Variants in QTMAN observed in about 807,000 individuals in gnomAD.
QTMAN encodes the protein tRNA-queuosine alpha-mannosyltransferase.
the QTMAN span, chr2:143,938,338 C>A: frequency 1.3e-5 from 2 of 152,222 alleles, no homozygotes; most frequent in African/African-American, 4.8e-5. Flanking sequence ...GTCCCGAATT[C>A]TCCACAGAAG....
At chr2:143,983,361 A>C in the QTMAN span, among the ~76,000 whole-genome samples, 1 of 152,166 alleles carries the variant, frequency 6.6e-6, no homozygotes, top group South Asian at 2.1e-4. Flanking sequence ...TTGGAAATTT[A>C]AGAATCTTCT....
chr2:144,182,840 T>TA, the QTMAN span, among the ~76,000 whole-genome samples: 2 of 64,524 alleles, frequency 3.1e-5, no homozygotes, highest in Admixed American at 2.6e-4. Flanking sequence ...TATATATATA[T>TA]TATATATATA....
At chr2:144,324,693 T>C in the QTMAN span, among the ~76,000 whole-genome samples, 10 of 152,080 alleles carry the variant, frequency 6.6e-5, no homozygotes, top group African/African-American at 2.4e-4. Context: ...AATCAAGATA[T>C]GAATCACCTT....
chr2:144,249,797 C>A, the QTMAN span, among the ~76,000 whole-genome samples: 9 of 152,038 alleles, frequency 5.9e-5, no homozygotes, highest in African/African-American at 2.2e-4. Context: ...AGGGATAATA[C>A]CAACTGAACT....
chr2:143,962,333 C>G, the QTMAN span, among the ~76,000 whole-genome samples: 3 of 151,850 alleles, frequency 2.0e-5, no homozygotes, highest in African/African-American at 7.3e-5. Context: ...ATTTAAGCAA[C>G]AAATAACACA....
chr2:144,143,063 G>A, the QTMAN span, among the ~76,000 whole-genome samples: 1 of 151,948 alleles, frequency 6.6e-6, no homozygotes, highest in Admixed American at 6.6e-5. Context: ...ATACTCTACA[G>A]TGGCCTGTGC....
the QTMAN span, among the ~76,000 whole-genome samples, chr2:144,039,449 G>A: frequency 5.9e-5 from 9 of 152,020 alleles, no homozygotes; most frequent in South Asian, 8.3e-4. Context: ...GTTTCTAGGC[G>A]GGGGAGTTTT....
chr2:144,227,367 G>A, the QTMAN span, among the ~76,000 whole-genome samples: 1 of 151,982 alleles, frequency 6.6e-6, no homozygotes, highest in Admixed American at 6.6e-5. Context: ...ACCATTTTGA[G>A]GACTTACCTT....
At chr2:144,053,604 G>A in the QTMAN span, among the ~76,000 whole-genome samples, 8 of 152,294 alleles carry the variant, frequency 5.3e-5, no homozygotes, top group African/African-American at 1.9e-4. Context: ...ATAACATCCT[G>A]ATATTGTTTC....
chr2:144,294,364 C>T, the QTMAN span: 1 of 152,180 alleles, frequency 6.6e-6, no homozygotes. Flanking sequence ...GCCTTTCCTA[C>T]CTGACCAGAG....
At chr2:144,307,768 A>G in the QTMAN span, among the ~76,000 whole-genome samples, 2 of 152,228 alleles carry the variant, frequency 1.3e-5, no homozygotes, top group Non-Finnish European at 2.9e-5. Flanking sequence ...ACCTAGGACA[A>G]ATTTAATAAA....
chr2:144,004,722 C>T, the QTMAN span, among the ~76,000 whole-genome samples: 1 of 151,962 alleles, frequency 6.6e-6, no homozygotes, highest in African/African-American at 2.4e-5. Flanking sequence ...ATAAAATTAT[C>T]CCAGCAGAGT....
chr2:144,077,204 T>C, the QTMAN span, among the ~76,000 whole-genome samples: 1 of 152,260 alleles, frequency 6.6e-6, no homozygotes, highest in African/African-American at 2.4e-5. Context: ...GCTTTTGTGA[T>C]ACACAATGAC....
chr2:144,039,379 A>G, the QTMAN span, among the ~76,000 whole-genome samples: 1 of 151,986 alleles, frequency 6.6e-6, no homozygotes, highest in African/African-American at 2.4e-5. Context: ...AACTTAACTC[A>G]CAGATATGAC....
At chr2:143,962,530 A>G in the QTMAN span, among the ~76,000 whole-genome samples, 2 of 152,142 alleles carry the variant, frequency 1.3e-5, no homozygotes, top group Non-Finnish European at 2.9e-5. Context: ...ATCTTCTTGG[A>G]TGTTCTAGGT....
the QTMAN span, among the ~76,000 whole-genome samples, chr2:144,300,694 A>G: frequency 6.6e-6 from 1 of 152,216 alleles, no homozygotes; most frequent in Non-Finnish European, 1.5e-5. Context: ...TTTTTCAAAG[A>G]TATGTGCCAA....
the QTMAN span, among the ~76,000 whole-genome samples, chr2:144,327,656 A>C: frequency 1.4e-4 from 21 of 152,306 alleles, no homozygotes; most frequent in African/African-American, 4.8e-4. Flanking sequence ...CCTAGATCTC[A>C]GTATCTAAAG....
chr2:143,986,478 G>A, the QTMAN span, among the ~76,000 whole-genome samples: 1 of 152,160 alleles, frequency 6.6e-6, no homozygotes, highest in African/African-American at 2.4e-5. Context: ...CACCTTCTAT[G>A]ATGTTAGAGC....
the QTMAN span, among the ~76,000 whole-genome samples, chr2:144,228,372 C>T: frequency 6.6e-6 from 1 of 152,222 alleles, no homozygotes; most frequent in East Asian, 1.9e-4. Context: ...ATCTGAATTA[C>T]TTCTATAAAC....
Sources: allele counts gnomAD v4.1 joint callset (sites outside exome capture counted in the v4.1 genomes callset), GRCh38; gene constraint gnomAD v4.1.1; transcripts MANE v1.5; gene names NCBI Gene and HGNC (gene_info 2026-07-23, HGNC 2026-07-21).